Variants in CSMD1 observed in about 807,000 individuals in gnomAD.
CSMD1 encodes CUB and Sushi multiple domains 1.
Under a neutral mutation model 417.5 loss-of-function variants are expected in CSMD1, and 213 were observed. The ratio of observed to expected loss-of-function variants is 0.51; its 90% CI spans 0.46 to 0.57. The LOEUF is 0.57. Ranked by LOEUF, CSMD1 falls within the 20% of genes least tolerant of loss-of-function variation. The pLI is 0.00. For synonymous variants in CSMD1, 2,862 were observed against 1,736.8 expected (o/e 1.65, Z -16.11); for missense variants, 6,923 against 4,529.7 (o/e 1.53, Z -15.17).
At chr8:3,394,219 G>C (rs994843991) in intron 17 of CSMD1, among the ~76,000 whole-genome samples, 3 of 145,202 alleles carry the variant, frequency 2.1e-5, no homozygotes, top group African/African-American at 5.0e-5. Context: ...ATAGTTGTCA[G>C]GATTACTTAC....
intron 10 of CSMD1, among the ~76,000 whole-genome samples, chr8:3,522,679 G>A (rs961107109): frequency 2.6e-5 from 4 of 151,974 alleles, no homozygotes; most frequent in African/African-American, 7.3e-5. Context: ...TCAGTGAGGA[G>A]TAGATCAGTC....
At chr8:3,619,393 A>G (rs1157275157) in intron 7 of CSMD1, among the ~76,000 whole-genome samples, 1 of 151,946 alleles carries the variant, frequency 6.6e-6, no homozygotes, top group Non-Finnish European at 1.5e-5. Context: ...TTTTTTTAAC[A>G]AAAACCACAA....
intron 3 of CSMD1, among the ~76,000 whole-genome samples, chr8:4,379,079 G>C (rs1269806104): frequency 6.6e-6 from 1 of 152,130 alleles, no homozygotes; most frequent in African/African-American, 2.4e-5. Context: ...GAGATATTCA[G>C]CCTACACCAC....
intron 5 of CSMD1, among the ~76,000 whole-genome samples, chr8:3,792,246 T>A (rs560379750): frequency 6.6e-6 from 1 of 151,996 alleles, no homozygotes; most frequent in Non-Finnish European, 1.5e-5. Context: ...GGAGTTATGA[T>A]AGTGCCACTA....
rs1802977427 is a variant in CSMD1, at chr8:4,250,284, C to A, written c.415+169669G>T. Among the ~76,000 whole-genome samples the A allele has an allele frequency of 2.6e-5, 4 of 152,160 alleles. No individual in the cohort carries two copies. In the South Asian group the frequency reaches 8.3e-4, roughly 32 times the overall value. ...AAAGCCTCTCTAGTGATATAAATAG[C>A]CCAGCTCAGCTTAGGAGTCCTGGTG... is the stretch of plus-strand genomic sequence containing the variant. On this transcript the variant is annotated intron_variant, in intron 3 of 69. Transcript: ENST00000635120.
chr8:4,896,569 T>C (rs1259655452), intron 1 of CSMD1, among the ~76,000 whole-genome samples: 2 of 152,104 alleles, frequency 1.3e-5, no homozygotes, highest in East Asian at 1.9e-4. Flanking sequence ...ACCTTACACA[T>C]ACTGATTTAA....
At chr8:3,813,625 C>T (rs1801208184) in intron 5 of CSMD1, among the ~76,000 whole-genome samples, 1 of 152,080 alleles carries the variant, frequency 6.6e-6, no homozygotes, top group Non-Finnish European at 1.5e-5. Context: ...TGCCTTTATG[C>T]AATAATGAAC....
intron 1 of CSMD1, among the ~76,000 whole-genome samples, chr8:4,849,923 T>A (rs1801369089): frequency 6.6e-6 from 1 of 152,246 alleles, no homozygotes; most frequent in Non-Finnish European, 1.5e-5. Context: ...ATTATGATGC[T>A]ATGTTTAAAC....
At chr8:4,417,270 G>C (rs1796995701) in intron 3 of CSMD1, among the ~76,000 whole-genome samples, 1 of 151,874 alleles carries the variant, frequency 6.6e-6, no homozygotes, top group South Asian at 2.1e-4. Flanking sequence ...ATTTTAATTT[G>C]TTTCTATTCT....
intron 5 of CSMD1, among the ~76,000 whole-genome samples, chr8:3,890,134 T>C (rs1806858779): frequency 6.6e-6 from 1 of 152,190 alleles, no homozygotes; most frequent in East Asian, 1.9e-4. Context: ...AGTTTATTAT[T>C]GGGTGTATGG....
intron 5 of CSMD1, among the ~76,000 whole-genome samples, chr8:3,889,362 C>T (rs1806784944): frequency 6.8e-6 from 1 of 146,656 alleles, no homozygotes; most frequent in African/African-American, 2.5e-5. Context: ...ACAAATTTTG[C>T]TTGTATTTTT....
chr8:4,865,050 T>A (rs1802347447), intron 1 of CSMD1, among the ~76,000 whole-genome samples: 1 of 151,666 alleles, frequency 6.6e-6, no homozygotes, highest in South Asian at 2.1e-4. Flanking sequence ...TTTTTTAAAT[T>A]TTTATTTCAA....
chr8:4,355,595 C>G (rs1358456258), intron 3 of CSMD1, among the ~76,000 whole-genome samples: 1 of 152,150 alleles, frequency 6.6e-6, no homozygotes, highest in Non-Finnish European at 1.5e-5. Flanking sequence ...CCAGAGTGTT[C>G]AGACAGAAGA....
intron 1 of CSMD1, among the ~76,000 whole-genome samples, chr8:4,710,697 T>C (rs1459532102): frequency 6.6e-6 from 1 of 151,326 alleles, no homozygotes; most frequent in Non-Finnish European, 1.5e-5. Flanking sequence ...TACAAAAAAT[T>C]AGCCCAGCAT....
At chr8:4,821,237 G>A (rs528780032) in intron 1 of CSMD1, among the ~76,000 whole-genome samples, 1 of 152,094 alleles carries the variant, frequency 6.6e-6, no homozygotes, top group Non-Finnish European at 1.5e-5. Flanking sequence ...AATTATAAAG[G>A]ATTATTACGC....
chr8:4,516,418 G>A (rs1803126814), intron 2 of CSMD1, among the ~76,000 whole-genome samples: 1 of 152,166 alleles, frequency 6.6e-6, no homozygotes, highest in Non-Finnish European at 1.5e-5. Flanking sequence ...AGCTGCTGGT[G>A]TCCATGGAAG....
chr8:3,453,556 C>A (rs1815896257), intron 12 of CSMD1, among the ~76,000 whole-genome samples: 1 of 152,172 alleles, frequency 6.6e-6, no homozygotes, highest in Non-Finnish European at 1.5e-5. Context: ...TTTCTACCTT[C>A]ATTTCGTTAT....
intron 2 of CSMD1, among the ~76,000 whole-genome samples, chr8:4,523,721 T>G (rs1638242938): frequency 6.6e-6 from 1 of 152,188 alleles, no homozygotes; most frequent in Admixed American, 6.5e-5. Flanking sequence ...TGTTCACACC[T>G]CATGGAGTTC....
At chr8:3,229,531 A>T (rs113558094) in intron 27 of CSMD1, among the ~76,000 whole-genome samples, 5,154 of 152,290 alleles carry the variant, frequency 0.034, 123 homozygotes, top group Non-Finnish European at 0.054. Flanking sequence ...ATAAAATGTC[A>T]ATAAATTTCA....
Sources: allele counts gnomAD v4.1 joint callset (sites outside exome capture counted in the v4.1 genomes callset), GRCh38; gene constraint gnomAD v4.1.1; transcripts MANE v1.5; gene names NCBI Gene and HGNC (gene_info 2026-07-23, HGNC 2026-07-21).